PEX3: variants seen among roughly 807,000 people sequenced by gnomAD.
The protein encoded by PEX3 is peroxin-3.
In PEX3, 30 loss-of-function variants were observed where a neutral mutation model predicts 55.8. That is an observed-to-expected ratio of 0.54 (90% CI 0.40 to 0.73). PEX3 has a LOEUF of 0.73. Among genes scored for constraint, PEX3 ranks in the 30% least tolerant of loss-of-function variants. PEX3 has a pLI of 0.00. For synonymous variants in PEX3, 135 were observed against 148.4 expected, an observed-to-expected ratio of 0.91 and a Z score of 0.66; for missense variants, 351 against 432.8, an observed-to-expected ratio of 0.81 and a Z score of 1.68.
Position 143,479,747 on chromosome 6 carries a change from A to C in PEX3, c.941+549A>C, listed in dbSNP as rs995169499. Among the ~76,000 whole-genome samples the C allele has an allele frequency of 6.6e-6, 1 of 152,106 alleles. No individual in the cohort carries two copies. Among genetic ancestry groups the C allele is most frequent in the Non-Finnish European group, 1.5e-5 (1 of 67,946 alleles). ...TTTTAATCATAACTATTACTAAATC[A>C]TGGACTTATGTATGCCATAAGGTAT... On this transcript the variant is annotated intron_variant, in intron 10 of 11. Coordinates refer to ENST00000367591, the MANE Select transcript of PEX3 (RefSeq NM_003630.3). The surrounding 1 kb of genome is among the most constrained non-coding windows in gnomAD (Gnocchi z 4.6).
chr6:143,469,015 T>G (rs974820850), intron 4 of PEX3, among the ~76,000 whole-genome samples: 65 of 152,288 alleles, frequency 4.3e-4, no homozygotes, highest in Admixed American at 3.6e-3. Flanking sequence ...CGTCCTTTTT[T>G]GGGGCTGCAT....
At chr6:143,473,405 A>G (rs146241358) in intron 8 of PEX3, among the ~76,000 whole-genome samples, 1 of 152,362 alleles carries the variant, frequency 6.6e-6, no homozygotes, top group East Asian at 1.9e-4. Flanking sequence ...AAATCTTTTT[A>G]GGACTCTAAA....
chr6:143,481,747 A>G (rs1584016640), intron 10 of PEX3, among the ~76,000 whole-genome samples: 1 of 152,248 alleles, frequency 6.6e-6, no homozygotes, highest in South Asian at 2.1e-4. Flanking sequence ...GTCAGGTATG[A>G]TAGCTCACTT....
In PEX3 at chr6:143,483,852, T is replaced by G. The variant is rs1293715501; in HGVS notation, c.942-1300T>G. On this transcript the variant is annotated intron_variant, in intron 10 of 11. Transcript: ENST00000367591. The surrounding 1 kb of genome is among the most constrained non-coding windows in gnomAD (Gnocchi z 4.3). ...TACAGTGCATAAGATAGACATGGTG[T>G]GTAACCTCATGGAGCTTGCATGATA... Among the ~76,000 whole-genome samples the G allele has an allele frequency of 6.6e-6, 1 of 152,020 alleles. No individual in the cohort carries two copies. The highest frequency in any genetic ancestry group is 2.4e-5 in the African/African-American group (1 of 41,390).
rs1222444266 is a variant in PEX3 at position 143,462,496 on chromosome 6, A to G, written c.206-420A>G. Among the ~76,000 whole-genome samples the G allele has an allele frequency of 6.6e-6, 1 of 152,182 alleles. No individual in the cohort carries two copies. Among genetic ancestry groups the G allele is most frequent in the East Asian group, 1.9e-4 (1 of 5,204 alleles). ...AAATTAGAATGAAAAATGAAGGAAA[A>G]AGTATAGCTGAATATAAAAATGCTT... On this transcript the variant is annotated intron_variant, in intron 2 of 11. Coordinates refer to ENST00000367591, the MANE Select transcript of PEX3 (RefSeq NM_003630.3). The surrounding 1 kb of genome is among the most constrained non-coding windows in gnomAD (Gnocchi z 4.1).
chr6:143,467,147 T>A (rs993347700), intron 3 of PEX3, among the ~76,000 whole-genome samples: 9 of 151,986 alleles, frequency 5.9e-5, no homozygotes, highest in Admixed American at 3.9e-4. Context: ...CTTAAACTCT[T>A]TTACACTGAG....
In PEX3 at chr6:143,475,946, T is replaced by C. The variant is rs1396922215; in HGVS notation, c.818+1090T>C. The stretch of plus-strand genomic sequence containing the variant: ...GTATATTAGGTACTGTTCTAAATGC[T>C]AGGTCTTCATCCCTACTGGAATGTG... On this transcript the variant is annotated intron_variant, in intron 9 of 11. Coordinates refer to ENST00000367591, the MANE Select transcript of PEX3 (RefSeq NM_003630.3). This position sits in a 1 kb window ranked among gnomAD's most constrained non-coding sequence, Gnocchi z 4.4. 6.6e-6 allele frequency among the ~76,000 whole-genome samples: 1 copy of C among 152,258 alleles called. No homozygotes were observed. The highest frequency in any genetic ancestry group is 1.9e-4 in the East Asian group (1 of 5,200).
At chr6:143,457,008 ACT>A (rs1281525628) in intron 1 of PEX3, among the ~76,000 whole-genome samples, 1 of 152,170 alleles carries the variant, frequency 6.6e-6, no homozygotes, top group East Asian at 1.9e-4. Context: ...ATTTGTTGAG[ACT>A]CTGATTAAAG....
chr6:143,469,429 A>G (rs1442448821), intron 4 of PEX3, among the ~76,000 whole-genome samples: 1 of 152,234 alleles, frequency 6.6e-6, no homozygotes, highest in Non-Finnish European at 1.5e-5. Flanking sequence ...ATGGGCAGTG[A>G]TGATGAGCAT....
Position 143,479,331 on chromosome 6 carries a change from G to A in PEX3, c.941+133G>A. The A allele has an allele frequency of 4.4e-6, 3 of 680,346 alleles. No homozygotes were observed. In the South Asian group the frequency reaches 5.2e-5, roughly 12 times the overall value. The allele number at this position is 680,346 out of a possible 1,614,324, so 42.1% of individuals were successfully genotyped here. A position where few individuals can be genotyped will look rare whatever the true frequency, so the allele number is the denominator to read the frequency against. On this transcript the variant is annotated intron_variant, in intron 10 of 11. Coordinates refer to ENST00000367591, the MANE Select transcript of PEX3 (RefSeq NM_003630.3). This position sits in a 1 kb window ranked among gnomAD's most constrained non-coding sequence, Gnocchi z 4.6. ...CTCATTTTTTAACAAATTAAACTCT[G>A]TTAAACCAACAACTTCTTCACTAGC...
In PEX3 at chr6:143,459,055, A is replaced by G. The variant is rs776672593; in HGVS notation, c.74-30A>G. 2.7e-6 allele frequency: 4 copies of G among 1,478,034 alleles called. No individual in the cohort carries two copies. The highest frequency in any genetic ancestry group is 3.8e-6 in the Non-Finnish European group (4 of 1,057,392). 91.6% of individuals were successfully genotyped at this position (1,478,034 alleles called of 1,614,324 possible). ...ACTGTGTAGAATTTTTGGTACTCTA[A>G]TGAATATAGTACTTTTTTAATGATT... On this transcript the variant is annotated intron_variant, in intron 1 of 11. Coordinates refer to ENST00000367591, the MANE Select transcript of PEX3 (RefSeq NM_003630.3). The surrounding 1 kb of genome is among the most constrained non-coding windows in gnomAD (Gnocchi z 4.2).
intron 1 of PEX3, among the ~76,000 whole-genome samples, chr6:143,456,269 G>A (rs1779843810): frequency 6.6e-6 from 1 of 152,138 alleles, no homozygotes; most frequent in African/African-American, 2.4e-5. Flanking sequence ...AGGCTAGGCT[G>A]CCAGTCGAGT....
At chr6:143,468,278 A>G (rs1247832148) in intron 4 of PEX3, 113 bp downstream of exon 4, 3 of 725,844 alleles carry the variant, frequency 4.1e-6, no homozygotes, top group South Asian at 3.3e-5. Context: ...TGTTGTTAGT[A>G]TTAAATAATA....
intron 7 of PEX3, 83 bp from the exon 8 acceptor site, chr6:143,472,077 A>G (rs1584011067): frequency 1.1e-6 from 1 of 922,922 alleles, no homozygotes; most frequent in African/African-American, 1.6e-5. Flanking sequence ...AGGATTTTAG[A>G]TAGTAGCCTG....
chr6:143,475,795 G>A lies in PEX3; in HGVS notation c.818+939G>A, dbSNP rs1287232537. 6.6e-6 allele frequency among the ~76,000 whole-genome samples: 1 copy of A among 152,234 alleles called. No individual in the cohort carries two copies. The highest frequency in any genetic ancestry group is 1.5e-5 in the Non-Finnish European group (1 of 68,042). On this transcript the variant is annotated intron_variant, in intron 9 of 11. Transcript: ENST00000367591. This position sits in a 1 kb window ranked among gnomAD's most constrained non-coding sequence, Gnocchi z 4.4. Reference sequence around the variant, plus strand: ...AGTTAAAGCCAAATGTATAGCCCTAGTCCTCCACCCTCAGGAGCTTGTCTG... The same window carrying A: ...AGTTAAAGCCAAATGTATAGCCCTAATCCTCCACCCTCAGGAGCTTGTCTG...
rs754135869 is a variant in PEX3 at position 143,463,010 on chromosome 6, T to TA, written c.287+14dup. On this transcript the variant is annotated intron_variant, in intron 3 of 11. Coordinates refer to ENST00000367591, the MANE Select transcript of PEX3 (RefSeq NM_003630.3). The surrounding 1 kb of genome is among the most constrained non-coding windows in gnomAD (Gnocchi z 5.7). ...TGCTAAAAAACAGGTAAATGCAAGT[T>TA]ACAGCATTTTCTGTTTAAGCACTAC... 57 of 1,590,278 alleles carry TA rather than the reference T, an allele frequency of 3.6e-5. 1 individual carries two copies. In the South Asian group the frequency reaches 6.0e-4, roughly 17 times the overall value.
At position 143,487,173 on chromosome 6, in the gene PEX3, C is replaced by CTT. The variant is rs901237389; in HGVS notation, c.1038+1928_1038+1929dup. 6.6e-6 allele frequency among the ~76,000 whole-genome samples: 1 copy of CTT among 152,114 alleles called. No homozygotes were observed. Among genetic ancestry groups the CTT allele is most frequent in the African/African-American group, 2.4e-5 (1 of 41,424 alleles). ...GCTTTCAGATAACATAAGGAAAGAG[C>CTT]TTTTATAGTGTGAACCAACCCTATG... On this transcript the variant is annotated intron_variant, in intron 11 of 11. Coordinates refer to ENST00000367591, the MANE Select transcript of PEX3 (RefSeq NM_003630.3). This position sits in a 1 kb window ranked among gnomAD's most constrained non-coding sequence, Gnocchi z 5.3.
chr6:143,461,352 T>A (rs1779916824), intron 2 of PEX3, among the ~76,000 whole-genome samples: 1 of 151,992 alleles, frequency 6.6e-6, no homozygotes, highest in Admixed American at 6.6e-5. Flanking sequence ...AAGATAGGGG[T>A]CACACGTTTC....
At position 143,459,310 on chromosome 6, in the gene PEX3, G is replaced by T. The variant is rs930755236; in HGVS notation, c.205+94G>T. 9.6e-7 allele frequency: 1 copy of T among 1,038,640 alleles called. No individual in the cohort carries two copies. The highest frequency in any genetic ancestry group is 1.6e-5 in the African/African-American group (1 of 63,452). The allele number at this position is 1,038,640 out of a possible 1,614,324, so 64.3% of individuals were successfully genotyped here. On this transcript the variant is annotated intron_variant, in intron 2 of 11. Coordinates refer to ENST00000367591, the MANE Select transcript of PEX3 (RefSeq NM_003630.3). The surrounding 1 kb of genome is among the most constrained non-coding windows in gnomAD (Gnocchi z 4.2). ...GATCAAATTTAGAGGAAAAGGCAAA[G>T]AAAAGATGGTAAATCTAGCAAGTGT... is the stretch of plus-strand genomic sequence containing the variant.
Sources: gnomAD v4.1 joint callset for allele counts (sites outside exome capture counted in the v4.1 genomes callset) on GRCh38, gnomAD v4.1.1 for gene constraint, Gnocchi (gnomAD v3.1) non-coding constraint, MANE v1.5 for transcripts, NCBI Gene and HGNC (gene_info 2026-07-23, HGNC 2026-07-21) for gene names.